The following HSPA4 variants were observed in gnomAD, a reference collection of about 807,000 sequenced individuals.
The protein encoded by HSPA4 is heat shock protein family A (Hsp70) member 4.
A neutral mutation model predicts 106.2 loss-of-function variants in HSPA4; 25 were observed. That is an observed-to-expected ratio of 0.24 (90% confidence interval 0.17 to 0.33). The LOEUF (loss-of-function observed/expected upper bound fraction) is 0.33, where lower values mean the gene tolerates loss of function less well. Ranked by LOEUF, HSPA4 falls within the 10% of genes least tolerant of loss-of-function variation. HSPA4 has a pLI of 1.00. For synonymous variants in HSPA4, 332 were observed against 333.6 expected (o/e 1.00, Z 0.05); for missense variants, 841 against 996.0 (o/e 0.84, Z 2.10).
At chr5:133,071,529 A>C (rs185784790) in intron 4 of HSPA4, among the ~76,000 whole-genome samples, 3 of 152,296 alleles carry the variant, frequency 2.0e-5, no homozygotes, top group South Asian at 4.1e-4. Context: ...AAGCCTGGCT[A>C]CTGTAGTTTT....
At chr5:133,058,031 T>G (rs1242077924) in intron 1 of HSPA4, among the ~76,000 whole-genome samples, 1 of 152,178 alleles carries the variant, frequency 6.6e-6, no homozygotes, top group African/African-American at 2.4e-5. Context: ...GAGTGAGACT[T>G]GAACAAATAG....
chr5:133,102,887 G>A (rs954004432), intron 17 of HSPA4, among the ~76,000 whole-genome samples: 4 of 136,914 alleles, frequency 2.9e-5, no homozygotes, highest in African/African-American at 8.6e-5. Flanking sequence ...CTATAGGCAC[G>A]TACCACCACA....
Position 133,057,205 on chromosome 5 carries a change from G to A in HSPA4, c.107+4848G>A, listed in dbSNP as rs146991022. On this transcript the variant is annotated intron_variant, in intron 1 of 18. Transcript: ENST00000304858. ...TAATGCAGTAACCAGAGAGTACTCT[G>A]ATTAATGTCTCTATTTCCATTCTAG... Among the ~76,000 whole-genome samples, 733 of 152,260 alleles carry A rather than the reference G, an allele frequency of 4.8e-3. 5 individuals carry two copies. Among genetic ancestry groups the A allele is most frequent in the Non-Finnish European group, 8.2e-3 (559 of 68,024 alleles).
At chr5:133,094,136 T>G (rs534507971) in intron 13 of HSPA4, among the ~76,000 whole-genome samples, 84 of 152,360 alleles carry the variant, frequency 5.5e-4, no homozygotes, top group African/African-American at 1.9e-3. Flanking sequence ...AAATATATTT[T>G]GTGATTAATG....
intron 1 of HSPA4, chr5:133,052,744 C>T (rs1239306503): frequency 5.6e-6 from 1 of 179,174 alleles, no homozygotes; most frequent in Non-Finnish European, 1.2e-5. Context: ...ACAGAAAGCT[C>T]AGAACTTTGC....
intron 12 of HSPA4, 57 bp downstream of exon 12, chr5:133,091,431 T>G (rs1765646357): frequency 2.2e-6 from 3 of 1,376,600 alleles, no homozygotes; most frequent in Non-Finnish European, 3.0e-6. Context: ...GTCTAGAAAT[T>G]GTAGCAAGCA....
Position 133,104,826 on chromosome 5 carries a change from T to C in HSPA4, c.*390T>C. ...GAGCTCTAATTATGCTTTAAAAATC[T>C]GTTGTGGAGATTGCTTTAAATGCTC... is the stretch of plus-strand genomic sequence containing the variant. On this transcript the variant is annotated 3_prime_UTR_variant, in exon 19 of 19. Transcript: ENST00000304858. 1 of 202,544 alleles carries C rather than the reference T, an allele frequency of 4.9e-6. No individual in the cohort carries two copies. The allele number at this position is 202,544 out of a possible 1,614,324, so 12.5% of individuals were successfully genotyped here. A position where few individuals can be genotyped will look rare whatever the true frequency, so the allele number is the denominator to read the frequency against.
chr5:133,077,043 C>G, intron 7 of HSPA4, 145 bp downstream of exon 7: 2 of 683,856 alleles, frequency 2.9e-6, no homozygotes, highest in Non-Finnish European at 4.8e-6. Flanking sequence ...CATTCAGGAC[C>G]CTGCTTTTTA....
intron 1 of HSPA4, among the ~76,000 whole-genome samples, chr5:133,058,603 G>A (rs143655493): frequency 2.2e-3 from 340 of 151,356 alleles, no homozygotes; most frequent in African/African-American, 7.7e-3. Context: ...GCTTGAATTC[G>A]GGAGGTGGAG....
chr5:133,060,840 G>GTTTTTT (rs1765232805), intron 1 of HSPA4, among the ~76,000 whole-genome samples: 1 of 109,258 alleles, frequency 9.2e-6, no homozygotes, highest in Non-Finnish European at 1.7e-5. Flanking sequence ...TTTTTTTTGA[G>GTTTTTT]ACAAGGTCTC....
intron 1 of HSPA4, among the ~76,000 whole-genome samples, chr5:133,061,640 G>T (rs1271764068): frequency 6.6e-6 from 1 of 151,982 alleles, no homozygotes; most frequent in Non-Finnish European, 1.5e-5. Flanking sequence ...CCCACCACCC[G>T]ACTGAGTCTT....
At chr5:133,081,167 C>T (rs1765510541) in intron 7 of HSPA4, among the ~76,000 whole-genome samples, 1 of 152,126 alleles carries the variant, frequency 6.6e-6, no homozygotes, top group Non-Finnish European at 1.5e-5. Flanking sequence ...CATGCCTCAG[C>T]CTCCTCAGTA....
intron 17 of HSPA4, among the ~76,000 whole-genome samples, chr5:133,102,739 T>A (rs1284719790): frequency 2.6e-5 from 4 of 152,152 alleles, no homozygotes; most frequent in Middle Eastern, 3.4e-3. Flanking sequence ...TTTGTTTGTT[T>A]GTTTGTTTTT....
intron 6 of HSPA4, among the ~76,000 whole-genome samples, chr5:133,075,763 G>T (rs1765439641): frequency 6.6e-6 from 1 of 152,084 alleles, no homozygotes; most frequent in Non-Finnish European, 1.5e-5. Flanking sequence ...CTGGATGGTC[G>T]AGGCTACAGT....
intron 6 of HSPA4, chr5:133,076,322 A>G (rs1055459613): frequency 2.7e-5 from 7 of 258,896 alleles, no homozygotes; most frequent in African/African-American, 4.4e-5. Context: ...TGTAACTGCT[A>G]TTGGTTGTCA....
At chr5:133,086,980 A>G in intron 8 of HSPA4, 122 bp downstream of exon 8, 1 of 674,944 alleles carries the variant, frequency 1.5e-6, no homozygotes, top group Non-Finnish European at 2.5e-6. Context: ...TCAGTGGTAT[A>G]TATTAAACTT....
At chr5:133,070,193 A>AATAAT (rs1161864428) in intron 3 of HSPA4, among the ~76,000 whole-genome samples, 181 bp from the exon 4 acceptor site, 9 of 151,680 alleles carry the variant, frequency 5.9e-5, no homozygotes, top group Non-Finnish European at 1.0e-4. Flanking sequence ...ATAATAATAA[A>AATAAT]AAAAGAAGCT....
At position 133,065,075 on chromosome 5, in the gene HSPA4, C is replaced by T. The variant is rs750822270; in HGVS notation, c.165+38C>T. 124 of 1,550,030 alleles carry T rather than the reference C, an allele frequency of 8.0e-5. 1 individual carries two copies. In the South Asian group the frequency reaches 1.4e-3, roughly 17 times the overall value. ...TTTTTTCCTAAAATGACTTATTTCTCCTCTTCATCCATGTGTTCAGCAAGT... is the reference window on the plus strand; with the variant it reads ...TTTTTTCCTAAAATGACTTATTTCTTCTCTTCATCCATGTGTTCAGCAAGT... On this transcript the variant is annotated intron_variant, in intron 2 of 18. Coordinates refer to ENST00000304858, the MANE Select transcript of HSPA4 (RefSeq NM_002154.4).
At chr5:133,054,623 C>T (rs113540209) in intron 1 of HSPA4, among the ~76,000 whole-genome samples, 2 of 152,196 alleles carry the variant, frequency 1.3e-5, no homozygotes, top group African/African-American at 4.8e-5. Context: ...ATTTTTATCA[C>T]TCCCCCAAAG....
Sources: allele counts gnomAD v4.1 joint callset (sites outside exome capture counted in the v4.1 genomes callset), GRCh38; gene constraint gnomAD v4.1.1; transcripts MANE v1.5; gene names NCBI Gene and HGNC (gene_info 2026-07-23, HGNC 2026-07-21).